The following MLLT10 variants were observed in gnomAD, a reference collection of about 807,000 sequenced individuals.
MLLT10 encodes protein AF-10.
MLLT10 carries 30 observed loss-of-function variants against 129.1 expected under a neutral mutation model. That is an observed-to-expected ratio of 0.23 (90% CI 0.17 to 0.32). The LOEUF (loss-of-function observed/expected upper bound fraction) is 0.32. Among genes scored for constraint, MLLT10 ranks in the 10% least tolerant of loss-of-function variants. The pLI, the probability that MLLT10 is intolerant of heterozygous loss-of-function variation, is 1.00. For missense variants in MLLT10, 1,119 were observed against 1,268.3 expected, an observed-to-expected ratio of 0.88 and a Z score of 1.79; for synonymous variants, 490 against 446.4, an observed-to-expected ratio of 1.10 and a Z score of -1.23.
chr10:21,610,033 C>T (rs564572250), intron 5 of MLLT10, among the ~76,000 whole-genome samples: 2 of 152,322 alleles, frequency 1.3e-5, no homozygotes, highest in African/African-American at 2.4e-5. Context: ...CTTAAGTGTA[C>T]ACCCTCTGCC....
intron 3 of MLLT10, chr10:21,556,974 G>A (rs2038105976): frequency 6.6e-7 from 1 of 1,519,126 alleles, no homozygotes; most frequent in Non-Finnish European, 8.8e-7. Flanking sequence ...TTGTGTTTCT[G>A]ATGTGGTCTT....
intron 3 of MLLT10, among the ~76,000 whole-genome samples, chr10:21,545,534 A>G (rs2035925709): frequency 6.6e-6 from 1 of 152,204 alleles, no homozygotes. Context: ...ATAAGGAAAG[A>G]GAAAAATTAA....
chr10:21,538,831 A>G lies in MLLT10; in HGVS notation c.161-2A>G. 6.2e-7 allele frequency: 1 copy of G among 1,607,542 alleles called. No individual in the cohort carries two copies. Among genetic ancestry groups the G allele is most frequent in the African/African-American group, 1.3e-5 (1 of 74,766 alleles). On this transcript the variant is annotated splice_acceptor_variant, in intron 2 of 22. Coordinates refer to ENST00000307729, the MANE Select transcript of MLLT10 (RefSeq NM_001195626.3). LOFTEE classifies it high-confidence loss of function. Reference sequence around the variant, plus strand: ...ATTTTAACACATTTCATTTTTCAACAGCTTGCTATGGCATTGTTCAAGTAC... The same window carrying G: ...ATTTTAACACATTTCATTTTTCAACGGCTTGCTATGGCATTGTTCAAGTAC...
intron 2 of MLLT10, among the ~76,000 whole-genome samples, chr10:21,537,031 G>A (rs925184557): frequency 1.3e-5 from 2 of 152,060 alleles, no homozygotes; most frequent in East Asian, 1.9e-4. Flanking sequence ...AGGGTGATCT[G>A]CCTGCCTTGG....
intron 14 of MLLT10, among the ~76,000 whole-genome samples, chr10:21,717,810 T>TCTCCTTCTTCTC (rs746954313): frequency 0.85 from 74,547 of 87,660 alleles, 34,491 homozygotes; most frequent in Non-Finnish European, 0.91. Flanking sequence ...TCCTTCTTCT[T>TCTCCTTCTTCTC]CTCCTTCTTC....
At chr10:21,565,620 T>C (rs1481326122) in intron 3 of MLLT10, among the ~76,000 whole-genome samples, 2 of 151,356 alleles carry the variant, frequency 1.3e-5, no homozygotes, top group Admixed American at 6.6e-5. Flanking sequence ...TTTTTTTTTT[T>C]TTTGAGACAT....
chr10:21,535,099 G>C (rs1376832901), intron 2 of MLLT10, among the ~76,000 whole-genome samples: 1 of 136,262 alleles, frequency 7.3e-6, no homozygotes, highest in Non-Finnish European at 1.6e-5. Context: ...CGGCGGCCGC[G>C]CCCTCGAGAT....
chr10:21,534,509 G>C lies in MLLT10; in HGVS notation c.-12G>C. On this transcript the variant is annotated 5_prime_UTR_variant, in exon 1 of 23. Transcript: ENST00000307729. ...CTGTGCGGAACGTGAGTGACTGAGCGGCAAAGCCCGAGTGAGCGAGCGGTG... is the reference window on the plus strand; with the variant it reads ...CTGTGCGGAACGTGAGTGACTGAGCCGCAAAGCCCGAGTGAGCGAGCGGTG... 1.1e-6 allele frequency: 1 copy of C among 925,944 alleles called. No individual in the cohort carries two copies. The highest frequency in any genetic ancestry group is 1.6e-6 in the Non-Finnish European group (1 of 631,750). 57.4% of individuals were successfully genotyped at this position (925,944 alleles called of 1,614,324 possible).
chr10:21,695,432 A>G (rs1589686499), intron 13 of MLLT10, among the ~76,000 whole-genome samples: 1 of 152,288 alleles, frequency 6.6e-6, no homozygotes, highest in South Asian at 2.1e-4. Flanking sequence ...TCATTGAATA[A>G]CCAGGGGATA....
At chr10:21,651,903 C>CTTTTTTTTTTTTTTTTT (rs775460288) in intron 9 of MLLT10, 135 bp downstream of exon 9, 1 of 129,510 alleles carries the variant, frequency 7.7e-6, no homozygotes, top group African/African-American at 4.9e-5. Flanking sequence ...ATTCTCATTT[C>CTTTTTTTTTTTTTTTTT]TTTTTTTTTT....
chr10:21,629,865 T>C (rs2046840098), intron 8 of MLLT10, among the ~76,000 whole-genome samples: 1 of 152,192 alleles, frequency 6.6e-6, no homozygotes, highest in Admixed American at 6.5e-5. Flanking sequence ...GGAGCGCTGA[T>C]GTGGGAGTAT....
intron 14 of MLLT10, among the ~76,000 whole-genome samples, chr10:21,717,183 G>C (rs1216422149): frequency 6.8e-6 from 1 of 147,278 alleles, no homozygotes; most frequent in Non-Finnish European, 1.5e-5. Context: ...AACCTGGGAG[G>C]CAGAGGTTGC....
chr10:21,625,898 A>G (rs2046382236), intron 8 of MLLT10: 3 of 782,472 alleles, frequency 3.8e-6, no homozygotes, highest in Admixed American at 3.4e-5. Flanking sequence ...AAAAAGGGGC[A>G]CCAACTCATC....
chr10:21,565,749 G>A (rs1209448206), intron 3 of MLLT10, among the ~76,000 whole-genome samples: 8 of 151,602 alleles, frequency 5.3e-5, no homozygotes, highest in Non-Finnish European at 7.4e-5. Context: ...GGGACCACAC[G>A]TGTGCACCAT....
At chr10:21,549,865 C>T (rs1194419057) in intron 3 of MLLT10, among the ~76,000 whole-genome samples, 1 of 151,746 alleles carries the variant, frequency 6.6e-6, no homozygotes, top group Non-Finnish European at 1.5e-5. Context: ...TCTCAAACTC[C>T]TGACCTCAGG....
rs199618726 is a variant in MLLT10, at chr10:21,600,368, AACAC to A, written c.405+4960_405+4963del. 3.1e-3 allele frequency among the ~76,000 whole-genome samples: 445 copies of A among 144,586 alleles called. 1 individual carries two copies. Among genetic ancestry groups the A allele is most frequent in the African/African-American group, 7.6e-3 (303 of 39,784 alleles). 94.9% of individuals were successfully genotyped at this position (144,586 alleles called of 152,430 possible). On this transcript the variant is annotated intron_variant, in intron 5 of 22. Transcript: ENST00000307729. ...CAATATTGAATCTTTCCTGAGATAG[AACAC>A]ACACACACACACACACACACACACA...
chr10:21,615,041 G>T (rs1237760201), intron 7 of MLLT10, 117 bp downstream of exon 7: 7 of 743,390 alleles, frequency 9.4e-6, no homozygotes, highest in Non-Finnish European at 1.5e-5. Context: ...TTTGGCTGGA[G>T]ATTGTGTTTA....
At chr10:21,572,944 G>T (rs1208421455) in intron 3 of MLLT10, among the ~76,000 whole-genome samples, 2 of 151,642 alleles carry the variant, frequency 1.3e-5, no homozygotes, top group South Asian at 2.1e-4. Context: ...TCTTTTTTTT[G>T]ATGCTATTTT....
chr10:21,617,256 ATT>A (rs762516665), intron 8 of MLLT10, 49 bp downstream of exon 8: 1 of 1,091,206 alleles, frequency 9.2e-7, no homozygotes, highest in Non-Finnish European at 1.3e-6. Context: ...ACTTAATAGA[ATT>A]TTTTTTTGCC....
Sources: allele counts gnomAD v4.1 joint callset (sites outside exome capture counted in the v4.1 genomes callset), GRCh38; gene constraint gnomAD v4.1.1; transcripts MANE v1.5; gene names NCBI Gene and HGNC (gene_info 2026-07-23, HGNC 2026-07-21).